Variants in AUTS2 observed in about 807,000 individuals in gnomAD.
AUTS2 encodes the protein autism susceptibility gene 2 protein.
Under a neutral mutation model 112.4 loss-of-function variants are expected in AUTS2, and 17 were observed. That is an observed-to-expected ratio of 0.15 (90% CI 0.10 to 0.23). The LOEUF is 0.23. Ranked by LOEUF, AUTS2 falls within the 10% of genes least tolerant of loss-of-function variation. The pLI, the probability that AUTS2 is intolerant of heterozygous loss-of-function variation, is 1.00. For synonymous variants in AUTS2, 751 were observed against 702.7 expected (o/e 1.07, Z -1.09); for missense variants, 1,510 against 1,701.6 (o/e 0.89, Z 1.98).
At chr7:70,017,848 ATATATTTATAT>A (rs1456426954) in intron 2 of AUTS2, among the ~76,000 whole-genome samples, 1 of 148,084 alleles carries the variant, frequency 6.8e-6, no homozygotes, top group South Asian at 2.1e-4. Flanking sequence ...GATTTCTTTT[ATATATTTATAT>A]TATATTTATA....
At chr7:70,659,147 G>A (rs1806932210) in intron 5 of AUTS2, among the ~76,000 whole-genome samples, 1 of 152,206 alleles carries the variant, frequency 6.6e-6, no homozygotes, top group Admixed American at 6.5e-5. Flanking sequence ...GGGACAAGGA[G>A]CCTTGCTGTG....
At chr7:69,720,673 G>T (rs893087807) in intron 1 of AUTS2, among the ~76,000 whole-genome samples, 2 of 152,158 alleles carry the variant, frequency 1.3e-5, no homozygotes, top group Non-Finnish European at 2.9e-5. Context: ...TTAAGCTTTA[G>T]AGTAACAGAG....
intron 1 of AUTS2, among the ~76,000 whole-genome samples, chr7:69,764,338 G>T (rs1388305368): frequency 6.6e-6 from 1 of 151,780 alleles, no homozygotes; most frequent in African/African-American, 2.4e-5. Context: ...GGAATTATGA[G>T]TGCCTGCCAG....
intron 4 of AUTS2, among the ~76,000 whole-genome samples, chr7:70,295,120 T>C (rs189764902): frequency 5.4e-4 from 83 of 152,320 alleles, no homozygotes; most frequent in Non-Finnish European, 9.8e-4. Context: ...TAAAATAGAA[T>C]TGGAGTTTAT....
chr7:70,121,150 A>C (rs1003927253), intron 3 of AUTS2, among the ~76,000 whole-genome samples: 1 of 152,218 alleles, frequency 6.6e-6, no homozygotes. Context: ...TCTATGTGCA[A>C]AAGAATGAAA....
intron 4 of AUTS2, among the ~76,000 whole-genome samples, chr7:70,398,971 A>T (rs960917379): frequency 3.1e-4 from 45 of 147,388 alleles, no homozygotes; most frequent in African/African-American, 8.7e-4. Flanking sequence ...AGAAAATCAT[A>T]TGGTCTTTCT....
At position 70,628,270 on chromosome 7, in the gene AUTS2, G is replaced by C. The variant is rs536173764; in HGVS notation, c.691-70299G>C. The stretch of plus-strand genomic sequence containing the variant: ...AAGCTTAAGCTGCAGGGCCCCTGGG[G>C]AGGGGCCACATGTTGGGCTTTGTTC... On this transcript the variant is annotated intron_variant, in intron 5 of 18. Transcript: ENST00000342771. Among the ~76,000 whole-genome samples the C allele has an allele frequency of 2.6e-4, 31 of 117,236 alleles. No homozygotes were observed. The South Asian group carries it at 7.8e-3, about 30-fold the overall frequency. The allele number at this position is 117,236 out of a possible 152,430, so 76.9% of individuals were successfully genotyped here.
chr7:69,803,133 A>G (rs187657060), intron 1 of AUTS2, among the ~76,000 whole-genome samples: 9 of 152,310 alleles, frequency 5.9e-5, no homozygotes, highest in African/African-American at 1.4e-4. Flanking sequence ...ACAATGGGCA[A>G]TAATCAGTTT....
At chr7:70,108,107 A>G (rs992646421) in intron 2 of AUTS2, among the ~76,000 whole-genome samples, 2 of 152,062 alleles carry the variant, frequency 1.3e-5, no homozygotes, top group African/African-American at 4.8e-5. Flanking sequence ...GTCACTAATG[A>G]TAAGTTTAGT....
At chr7:69,951,437 A>C (rs1180184954) in intron 2 of AUTS2, among the ~76,000 whole-genome samples, 1 of 152,164 alleles carries the variant, frequency 6.6e-6, no homozygotes, top group Non-Finnish European at 1.5e-5. Flanking sequence ...GGCCAGGCAG[A>C]GTCCATGCTA....
intron 3 of AUTS2, among the ~76,000 whole-genome samples, chr7:70,129,901 TTGTGTGTGTG>T (rs34163076): frequency 1.4e-5 from 2 of 147,322 alleles, no homozygotes; most frequent in South Asian, 2.2e-4. Flanking sequence ...TATATATATA[TTGTGTGTGTG>T]TGTGTGTGTG....
intron 4 of AUTS2, among the ~76,000 whole-genome samples, chr7:70,383,478 C>T (rs148425757): frequency 3.7e-4 from 56 of 152,314 alleles, no homozygotes; most frequent in Admixed American, 1.0e-3. Context: ...TTTCTTGTTA[C>T]ATAATCTGCA....
chr7:69,810,787 C>T (rs143697597), intron 1 of AUTS2, among the ~76,000 whole-genome samples: 221 of 152,234 alleles, frequency 1.5e-3, no homozygotes, highest in African/African-American at 4.5e-3. Context: ...CACTGCTTTG[C>T]GCCTTTATTA....
intron 13 of AUTS2, 35 bp from the exon 14 acceptor site, chr7:70,777,068 C>T: frequency 1.2e-6 from 2 of 1,603,640 alleles, no homozygotes; most frequent in Non-Finnish European, 1.7e-6. Context: ...TCTGAAATGT[C>T]TTCCTCCTAA....
intron 1 of AUTS2, among the ~76,000 whole-genome samples, chr7:69,787,528 T>G (rs1166353823): frequency 6.6e-6 from 1 of 152,156 alleles, no homozygotes; most frequent in African/African-American, 2.4e-5. Flanking sequence ...TTGAATAACC[T>G]TCACTAGCAT....
intron 6 of AUTS2, 63 bp downstream of exon 6, chr7:70,698,683 T>A: frequency 7.9e-7 from 1 of 1,271,902 alleles, no homozygotes. Context: ...TGTCATTGCC[T>A]AGGAAGAAAG....
rs538296746 is a variant in AUTS2 at position 70,614,825 on chromosome 7, G to A, written c.691-83744G>A. 1.1e-4 allele frequency among the ~76,000 whole-genome samples: 16 copies of A among 152,330 alleles called. No individual in the cohort carries two copies. The East Asian group carries it at 2.7e-3, about 26-fold the overall frequency. ...AAGCCTAGCCAGCTGGCACTCTCACGCTGAGCACATTCACTTCCCCTGGCT... is the reference window on the plus strand; with the variant it reads ...AAGCCTAGCCAGCTGGCACTCTCACACTGAGCACATTCACTTCCCCTGGCT... On this transcript the variant is annotated intron_variant, in intron 5 of 18. Coordinates refer to ENST00000342771, the MANE Select transcript of AUTS2 (RefSeq NM_015570.4).
intron 5 of AUTS2, among the ~76,000 whole-genome samples, chr7:70,651,525 T>TA (rs1388589246): frequency 1.3e-5 from 2 of 152,200 alleles, no homozygotes; most frequent in Non-Finnish European, 2.9e-5. Flanking sequence ...TCAAAACACT[T>TA]ACATTAGCCT....
At chr7:70,540,997 C>T (rs1193539264) in intron 5 of AUTS2, among the ~76,000 whole-genome samples, 1 of 152,154 alleles carries the variant, frequency 6.6e-6, no homozygotes, top group Non-Finnish European at 1.5e-5. Context: ...AAAAGTCCCC[C>T]CCTATGAAGT....
Sources: gnomAD v4.1 joint callset for allele counts (sites outside exome capture counted in the v4.1 genomes callset) on GRCh38, gnomAD v4.1.1 for gene constraint, MANE v1.5 for transcripts, NCBI Gene and HGNC (gene_info 2026-07-23, HGNC 2026-07-21) for gene names.